GALNTL6: variants seen among roughly 807,000 people sequenced by gnomAD.
GALNTL6 encodes polypeptide N-acetylgalactosaminyltransferase like 6, also known as polypeptide N-acetylgalactosaminyltransferase-like 6.
In GALNTL6, 46 loss-of-function variants were observed where a neutral mutation model predicts 73.7. The ratio of observed to expected loss-of-function variants is 0.62; its 90% CI spans 0.49 to 0.80. GALNTL6 has a LOEUF of 0.80. GALNTL6 is among the 30% of genes least tolerant of loss of function. GALNTL6 has a pLI of 0.00. For missense variants in GALNTL6, 604 were observed against 755.0 expected (o/e 0.80, Z 2.34); for synonymous variants, 259 against 263.7 (o/e 0.98, Z 0.17).
chr4:172,159,863 A>G (rs773094389), intron 2 of GALNTL6, among the ~76,000 whole-genome samples: 6 of 152,168 alleles, frequency 3.9e-5, no homozygotes, highest in Non-Finnish European at 7.4e-5. Context: ...GCAAGGAGAC[A>G]GTGAAGAGAT....
intron 3 of GALNTL6, among the ~76,000 whole-genome samples, chr4:172,254,859 CCT>C (rs1738017945): frequency 6.6e-6 from 1 of 151,580 alleles, no homozygotes. Context: ...AAACTTTCCC[CCT>C]GTTTCAGATG....
intron 2 of GALNTL6, among the ~76,000 whole-genome samples, chr4:171,915,875 T>A (rs571891823): frequency 3.3e-5 from 5 of 152,236 alleles, no homozygotes; most frequent in Admixed American, 6.5e-5. Context: ...CACATAACTT[T>A]TGTATCTGTA....
At chr4:172,829,079 C>G (rs1459460924) in intron 7 of GALNTL6, among the ~76,000 whole-genome samples, 1 of 152,204 alleles carries the variant, frequency 6.6e-6, no homozygotes, top group Admixed American at 6.5e-5. Context: ...TACTCCCGTG[C>G]CTTCACATCC....
At position 172,980,718 on chromosome 4, in the gene GALNTL6, C is replaced by T. The variant is rs577573760; in HGVS notation, c.1371+28460C>T. 4.6e-5 allele frequency among the ~76,000 whole-genome samples: 7 copies of T among 152,244 alleles called. No homozygotes were observed. The South Asian group carries it at 1.5e-3, about 32-fold the overall frequency. ...GATTAGGACTCCATCCTTATGACCT[C>T]ATTTAGCTTAATTACCTCCTAAAAG... is the stretch of plus-strand genomic sequence containing the variant. On this transcript the variant is annotated intron_variant, in intron 10 of 12. Transcript: ENST00000506823.
At chr4:172,416,729 G>C (rs923180099) in intron 5 of GALNTL6, among the ~76,000 whole-genome samples, 1 of 152,008 alleles carries the variant, frequency 6.6e-6, no homozygotes, top group Non-Finnish European at 1.5e-5. Flanking sequence ...TTTTAATTAA[G>C]TTAATAAACC....
At chr4:172,687,216 TAAC>T in intron 5 of GALNTL6, among the ~76,000 whole-genome samples, 1 of 152,226 alleles carries the variant, frequency 6.6e-6, no homozygotes, top group Non-Finnish European at 1.5e-5. Context: ...TCTATAATAA[TAAC>T]AATAATATTA....
At chr4:172,063,777 G>A (rs187937019) in intron 2 of GALNTL6, among the ~76,000 whole-genome samples, 42 of 151,930 alleles carry the variant, frequency 2.8e-4, no homozygotes, top group African/African-American at 1.0e-3. Context: ...CATTTTTATT[G>A]TTCTTATTTG....
At chr4:172,375,436 G>A (rs1382605554) in intron 5 of GALNTL6, among the ~76,000 whole-genome samples, 2 of 152,144 alleles carry the variant, frequency 1.3e-5, no homozygotes, top group Non-Finnish European at 2.9e-5. Flanking sequence ...TTTCAAGGGT[G>A]AGCCTCTTGA....
chr4:171,830,668 CA>C (rs1734942673), intron 2 of GALNTL6, among the ~76,000 whole-genome samples: 1 of 152,086 alleles, frequency 6.6e-6, no homozygotes, highest in African/African-American at 2.4e-5. Context: ...GCTATTATGT[CA>C]AGACTTGACT....
At chr4:172,330,810 A>G (rs1452290569) in intron 4 of GALNTL6, among the ~76,000 whole-genome samples, 1 of 152,078 alleles carries the variant, frequency 6.6e-6, no homozygotes, top group Non-Finnish European at 1.5e-5. Context: ...GTACATATAT[A>G]TTAGGCCTCT....
chr4:172,417,606 G>T (rs1730891905), intron 5 of GALNTL6, among the ~76,000 whole-genome samples: 1 of 151,962 alleles, frequency 6.6e-6, no homozygotes, highest in Non-Finnish European at 1.5e-5. Context: ...CCGAGATTTT[G>T]CCACTGCACT....
chr4:172,602,222 G>A (rs1738084962), intron 5 of GALNTL6, among the ~76,000 whole-genome samples: 1 of 152,072 alleles, frequency 6.6e-6, no homozygotes. Flanking sequence ...AAATTCTTTA[G>A]GATGGGTGAA....
chr4:172,486,389 T>C (rs768337613), intron 5 of GALNTL6, among the ~76,000 whole-genome samples: 1 of 152,172 alleles, frequency 6.6e-6, no homozygotes, highest in Non-Finnish European at 1.5e-5. Context: ...ATGAGCTATG[T>C]GGAAACTGTT....
At chr4:172,662,698 A>T (rs568145562) in intron 5 of GALNTL6, among the ~76,000 whole-genome samples, 86 of 152,328 alleles carry the variant, frequency 5.6e-4, no homozygotes, top group Non-Finnish European at 1.0e-4. Context: ...TGTCCAGCTA[A>T]TCCAGGCTCT....
At chr4:172,414,612 G>A (rs1744558836) in intron 5 of GALNTL6, among the ~76,000 whole-genome samples, 1 of 152,126 alleles carries the variant, frequency 6.6e-6, no homozygotes, top group Admixed American at 6.6e-5. Flanking sequence ...TCAATTTTCT[G>A]TAGATTCCTA....
intron 5 of GALNTL6, among the ~76,000 whole-genome samples, chr4:172,808,365 T>A (rs188900451): frequency 1.3e-5 from 2 of 152,282 alleles, no homozygotes; most frequent in Admixed American, 1.3e-4. Context: ...CTGCTACAGA[T>A]CATGCAAAGA....
chr4:172,372,489 C>T (rs1021016915), intron 5 of GALNTL6, among the ~76,000 whole-genome samples: 9 of 152,242 alleles, frequency 5.9e-5, no homozygotes, highest in East Asian at 3.9e-4. Context: ...AGATGGCCAC[C>T]GCCACAACTA....
At position 172,252,315 on chromosome 4, in the gene GALNTL6, G is replaced by A. The variant is rs144549009; in HGVS notation, c.247+22551G>A. Among the ~76,000 whole-genome samples, 692 of 152,158 alleles carry A rather than the reference G, an allele frequency of 4.5e-3. 7 individuals are homozygous for A. The highest frequency in any genetic ancestry group is 0.016 in the African/African-American group (654 of 41,540). ...AGAAATAAATTATGTGTAAAGGAAA[G>A]ATAATCTGGCATTAAAATCTTCATC... On this transcript the variant is annotated intron_variant, in intron 3 of 12. Transcript: ENST00000506823.
intron 5 of GALNTL6, among the ~76,000 whole-genome samples, chr4:172,422,049 AT>A (rs1168115513): frequency 6.6e-5 from 10 of 152,086 alleles, no homozygotes; most frequent in Admixed American, 5.9e-4. Flanking sequence ...GTTATTCACT[AT>A]TTTTTGTGCC....
Sources: allele counts gnomAD v4.1 joint callset (sites outside exome capture counted in the v4.1 genomes callset), GRCh38; gene constraint gnomAD v4.1.1; transcripts MANE v1.5; gene names NCBI Gene and HGNC (gene_info 2026-07-23, HGNC 2026-07-21).